SLC15A4: variants seen among roughly 807,000 people sequenced by gnomAD.
SLC15A4 encodes hPHT1.
SLC15A4 carries 26 observed loss-of-function variants against 46.1 expected under a neutral mutation model. That is an observed-to-expected ratio of 0.56 (90% CI 0.41 to 0.78). The LOEUF is 0.78. SLC15A4 is among the 30% of genes least tolerant of loss of function. The pLI is 0.00. For synonymous variants in SLC15A4, 370 were observed against 333.4 expected (o/e 1.11, Z -1.20); for missense variants, 751 against 755.7 (o/e 0.99, Z 0.07).
intron 2 of SLC15A4, chr12:128,813,183 ATATTT>A: frequency 7.7e-6 from 1 of 129,614 alleles, no homozygotes; most frequent in Non-Finnish European, 1.6e-5. Flanking sequence ...AGATGGGGCT[ATATTT>A]TTTTTTTTTT....
intron 5 of SLC15A4, among the ~76,000 whole-genome samples, chr12:128,804,469 C>T (rs368319694): frequency 5.9e-5 from 9 of 152,352 alleles, no homozygotes; most frequent in South Asian, 2.1e-4. Context: ...CAGTGGCTCA[C>T]GCCTGTAATC....
Position 128,808,977 on chromosome 12 carries a change from A to G in SLC15A4, c.1090-21T>C, listed in dbSNP as rs769098961. 2.5e-6 allele frequency: 4 copies of G among 1,605,402 alleles called. No homozygotes were observed. The South Asian group carries it at 3.3e-5, about 13-fold the overall frequency. ...GGGAGCTGGGGTGAAACACAGGAGG[A>G]GGCGTTTACTCCCCGCAATACAGGC... On this transcript the variant is annotated intron_variant, in intron 4 of 7. Transcript: ENST00000266771.
intron 2 of SLC15A4, chr12:128,813,117 G>C (rs980585680): frequency 6.6e-6 from 1 of 151,864 alleles, no homozygotes; most frequent in Non-Finnish European, 1.5e-5. Context: ...TCTAGGATCC[G>C]AAACACTGCT....
intron 7 of SLC15A4, among the ~76,000 whole-genome samples, chr12:128,798,047 T>A (rs896910180): frequency 6.6e-6 from 1 of 152,200 alleles, no homozygotes; most frequent in Middle Eastern, 3.2e-3. Context: ...ACAGAAATGA[T>A]GAATGAAAGG....
intron 1 of SLC15A4, among the ~76,000 whole-genome samples, chr12:128,822,836 T>G (rs1341764406): frequency 1.3e-5 from 2 of 151,906 alleles, no homozygotes; most frequent in African/African-American, 4.8e-5. Flanking sequence ...GCGCTCAGCG[T>G]ATTTTTTAAA....
rs971633393 is a variant in SLC15A4 at position 128,818,135 on chromosome 12, T to C, written c.547-3065A>G. The stretch of plus-strand genomic sequence containing the variant: ...ATCTGTAACATAAGATTTTCGTCTT[T>C]CAGGTCACTATTTCAAATAATCCAT... On this transcript the variant is annotated intron_variant, in intron 1 of 7. Transcript: ENST00000266771. Among the ~76,000 whole-genome samples the C allele has an allele frequency of 4.6e-5, 7 of 152,162 alleles. No individual in the cohort carries two copies. The East Asian group carries it at 1.4e-3, about 29-fold the overall frequency.
At chr12:128,794,870 C>T (rs1955427381) in intron 7 of SLC15A4, among the ~76,000 whole-genome samples, 1 of 152,160 alleles carries the variant, frequency 6.6e-6, no homozygotes, top group African/African-American at 2.4e-5. Flanking sequence ...AAATTACCTT[C>T]CTGTGTTCTT....
intron 5 of SLC15A4, among the ~76,000 whole-genome samples, chr12:128,806,208 C>T (rs1955587857): frequency 2.2e-5 from 3 of 136,332 alleles, no homozygotes; most frequent in Admixed American, 7.2e-5. Context: ...AAAATGGGTA[C>T]AACACAAACT....
chr12:128,799,126 G>C (rs1334719171), intron 7 of SLC15A4, 133 bp downstream of exon 7: 1 of 899,158 alleles, frequency 1.1e-6, no homozygotes, highest in Non-Finnish European at 1.7e-6. Context: ...CAGTGCTGTG[G>C]AAGGAGCGGT....
At chr12:128,799,682 C>G (rs894940912) in intron 6 of SLC15A4, among the ~76,000 whole-genome samples, 9 of 152,268 alleles carry the variant, frequency 5.9e-5, no homozygotes, top group African/African-American at 1.9e-4. Context: ...TGCTCTCAAG[C>G]TTAAAGGTAA....
rs920316737 is a variant in SLC15A4 at position 128,800,771 on chromosome 12, C to T, written c.1414+83G>A. On this transcript the variant is annotated intron_variant, in intron 6 of 7. Coordinates refer to ENST00000266771, the MANE Select transcript of SLC15A4 (RefSeq NM_145648.4). ...AAGTGCTGTGCTATCCTTGTCTCAA[C>T]ATATTCCAACAGCACAGTCAGAATG... The T allele has an allele frequency of 7.1e-6, 10 of 1,407,316 alleles. No homozygotes were observed. The African/African-American group carries it at 1.4e-4, about 20-fold the overall frequency. The allele number at this position is 1,407,316 out of a possible 1,614,324, so 87.2% of individuals were successfully genotyped here.
At chr12:128,795,392 G>A (rs958690351) in intron 7 of SLC15A4, among the ~76,000 whole-genome samples, 17 of 152,132 alleles carry the variant, frequency 1.1e-4, no homozygotes, top group African/African-American at 4.1e-4. Context: ...TACACGCAAC[G>A]TCTGCATCCC....
intron 1 of SLC15A4, among the ~76,000 whole-genome samples, chr12:128,821,884 CAAAA>C (rs10579523): frequency 0.099 from 13,140 of 132,934 alleles, 777 homozygotes; most frequent in Admixed American, 0.2. Flanking sequence ...GACTCCGCCT[CAAAA>C]AAAAAAAAAA....
chr12:128,802,742 A>G (rs1283685373), intron 5 of SLC15A4, among the ~76,000 whole-genome samples: 3 of 152,214 alleles, frequency 2.0e-5, no homozygotes, highest in Non-Finnish European at 4.4e-5. Context: ...AGGATGAAAA[A>G]GGTAACAAAG....
rs1448278227 is a variant in SLC15A4 at position 128,793,304 on chromosome 12, A to G, written c.*892T>C. 6.6e-6 allele frequency: 1 copy of G among 152,258 alleles called. No homozygotes were observed. Among genetic ancestry groups the G allele is most frequent in the African/African-American group, 2.4e-5 (1 of 41,468 alleles). The allele number at this position is 152,258 out of a possible 1,614,324, so 9.4% of individuals were successfully genotyped here. A position where few individuals can be genotyped will look rare whatever the true frequency, so the allele number is the denominator to read the frequency against. On this transcript the variant is annotated 3_prime_UTR_variant, in exon 8 of 8. Coordinates refer to ENST00000266771, the MANE Select transcript of SLC15A4 (RefSeq NM_145648.4). Reference sequence around the variant, plus strand: ...AAGCCCCAGATACACGTACAGTAACAATACAAAAATGTGACTGGTCAAACA... The same window carrying G: ...AAGCCCCAGATACACGTACAGTAACGATACAAAAATGTGACTGGTCAAACA...
chr12:128,823,479 C>G lies in SLC15A4; in HGVS notation c.465G>C (p.Pro155=), dbSNP rs1955880540. ...CCAGCACCAGCCCCGCGAAGGTGGCCGGTGAGCAGCAGCGGGCGGCGGCGT... is the reference window on the plus strand; with the variant it reads ...CCAGCACCAGCCCCGCGAAGGTGGCGGGTGAGCAGCAGCGGGCGGCGGCGT... ...GPDAAARCCS[P]ATFAGLVLVG... The change falls in exon 1 of 8, where the codon CCG becomes CCC. Residue 155 remains proline (P), a synonymous_variant. Coordinates refer to ENST00000266771, the MANE Select transcript of SLC15A4 (RefSeq NM_145648.4). The G allele has an allele frequency of 6.7e-7, 1 of 1,484,456 alleles. No individual in the cohort carries two copies. Among genetic ancestry groups the G allele is most frequent in the Non-Finnish European group, 8.9e-7 (1 of 1,124,464 alleles). 92.0% of individuals were successfully genotyped at this position (1,484,456 alleles called of 1,614,324 possible).
Position 128,823,724 on chromosome 12 carries a change from C to A in SLC15A4, c.220G>T (p.Ala74Ser), listed in dbSNP as rs753400755. ...GAPFCWEGAQASEALLLFMGL... is the reference protein window; with the variant it reads ...GAPFCWEGAQSSEALLLFMGL... ...ATGAAGAGCAGCAGCGCCTCGCTGGCCTGCGCGCCCTCCCAGCAGAACGGC... is the reference window on the plus strand; with the variant it reads ...ATGAAGAGCAGCAGCGCCTCGCTGGACTGCGCGCCCTCCCAGCAGAACGGC... Residue 74 changes from alanine to serine, a missense_variant, in exon 1 of 8, where the codon GCC becomes TCC. Transcript: ENST00000266771. The A allele has an allele frequency of 6.5e-7, 1 of 1,538,686 alleles. No homozygotes were observed. The highest frequency in any genetic ancestry group is 8.7e-7 in the Non-Finnish European group (1 of 1,151,548).
intron 7 of SLC15A4, among the ~76,000 whole-genome samples, chr12:128,796,968 T>C (rs948320985): frequency 3.3e-5 from 5 of 152,084 alleles, no homozygotes; most frequent in African/African-American, 1.2e-4. Context: ...TCAGGGTCTG[T>C]CTCAGGGTGG....
At chr12:128,798,569 C>T (rs1955475724) in intron 7 of SLC15A4, among the ~76,000 whole-genome samples, 1 of 152,300 alleles carries the variant, frequency 6.6e-6, no homozygotes, top group African/African-American at 2.4e-5. Flanking sequence ...GCAAATGCCA[C>T]ATGATTATAC....
Sources: gnomAD v4.1 joint callset for allele counts (sites outside exome capture counted in the v4.1 genomes callset) on GRCh38, gnomAD v4.1.1 for gene constraint, MANE v1.5 for transcripts, NCBI Gene and HGNC (gene_info 2026-07-23, HGNC 2026-07-21) for gene names.